The following PRKN variants were observed in gnomAD, a reference collection of about 807,000 sequenced individuals.
PRKN encodes parkin RBR E3 ubiquitin protein ligase.
Under a neutral mutation model 59.5 loss-of-function variants are expected in PRKN, and 56 were observed. The observed-to-expected ratio is 0.94, with a 90% CI of 0.76 to 1.18. The LOEUF (loss-of-function observed/expected upper bound fraction) is 1.18. PRKN is among the 50% of genes most tolerant of loss of function. The pLI is 0.00. For synonymous variants in PRKN, 250 were observed against 222.1 expected (o/e 1.13, Z -1.12); for missense variants, 657 against 596.4 (o/e 1.10, Z -1.06).
intron 4 of PRKN, among the ~76,000 whole-genome samples, chr6:162,137,224 A>G (rs1233129344): frequency 6.6e-6 from 1 of 152,188 alleles, no homozygotes; most frequent in Non-Finnish European, 1.5e-5. Context: ...ATATAAAAGA[A>G]TATTATTGTG....
At chr6:162,567,608 A>G (rs1780137278) in intron 1 of PRKN, among the ~76,000 whole-genome samples, 1 of 142,128 alleles carries the variant, frequency 7.0e-6, no homozygotes, top group Non-Finnish European at 1.5e-5. Context: ...CACTAATGAA[A>G]TAAATCAAAG....
At chr6:162,688,013 G>C (rs1324446156) in intron 1 of PRKN, among the ~76,000 whole-genome samples, 1 of 152,176 alleles carries the variant, frequency 6.6e-6, no homozygotes, top group African/African-American at 2.4e-5. Context: ...AATTGTTGAA[G>C]CACATACATA....
intron 2 of PRKN, among the ~76,000 whole-genome samples, chr6:162,278,424 T>C (rs1583305590): frequency 6.6e-6 from 1 of 152,172 alleles, no homozygotes; most frequent in East Asian, 1.9e-4. Context: ...TGTACCCTCA[T>C]GTAAGCTATA....
At position 161,444,223 on chromosome 6, in the gene PRKN, A is replaced by C. The variant is rs970482141; in HGVS notation, c.1084-57346T>G. 6.6e-6 allele frequency among the ~76,000 whole-genome samples: 1 copy of C among 152,164 alleles called. No homozygotes were observed. The highest frequency in any genetic ancestry group is 1.5e-5 in the Non-Finnish European group (1 of 68,010). ...TTCATGGGATGGGCCTGGCTGAGTGAGCTTCCTAAGGAAATCCTCTTGCCT... is the reference window on the plus strand; with the variant it reads ...TTCATGGGATGGGCCTGGCTGAGTGCGCTTCCTAAGGAAATCCTCTTGCCT... On this transcript the variant is annotated intron_variant, in intron 9 of 11. Coordinates refer to ENST00000366898, the MANE Select transcript of PRKN (RefSeq NM_004562.3). The surrounding 1 kb of genome is among the most constrained non-coding windows in gnomAD (Gnocchi z 5.6).
chr6:162,598,891 T>C (rs182496386), intron 1 of PRKN, among the ~76,000 whole-genome samples: 192 of 144,372 alleles, frequency 1.3e-3, no homozygotes, highest in African/African-American at 4.8e-3. Context: ...AATAATTAAA[T>C]GATTAAATAT....
rs557864917 is a variant in PRKN, at chr6:162,240,077, A to G, written c.412+22448T>C. On this transcript the variant is annotated intron_variant, in intron 3 of 11. Transcript: ENST00000366898. ...TTATAACATTTGCATTTGTTCACGA[A>G]TGTCAATAATCCCAACCGGCAGGTT... 1.3e-3 allele frequency among the ~76,000 whole-genome samples: 196 copies of G among 152,256 alleles called. 1 individual carries two copies. Among genetic ancestry groups the G allele is most frequent in the African/African-American group, 4.3e-3 (180 of 41,560 alleles).
At chr6:162,156,484 C>G (rs910041806) in intron 4 of PRKN, among the ~76,000 whole-genome samples, 14 of 152,168 alleles carry the variant, frequency 9.2e-5, no homozygotes, top group Non-Finnish European at 2.1e-4. Flanking sequence ...TGGCAAATCA[C>G]AGATGTAAGA....
At position 162,056,542 on chromosome 6, in the gene PRKN, A is replaced by T. The variant is rs1777874384; in HGVS notation, c.535-2368T>A. 6.6e-6 allele frequency among the ~76,000 whole-genome samples: 1 copy of T among 152,164 alleles called. No homozygotes were observed. The highest frequency in any genetic ancestry group is 1.5e-5 in the Non-Finnish European group (1 of 68,034). On this transcript the variant is annotated intron_variant, in intron 4 of 11. Coordinates refer to ENST00000366898, the MANE Select transcript of PRKN (RefSeq NM_004562.3). The surrounding 1 kb of genome is among the most constrained non-coding windows in gnomAD (Gnocchi z 4.9). Reference sequence around the variant, plus strand: ...TCCACCGATCATTAATCCAAAGGCCACCGCTTAATATGGAGGTAAATTTGC... The same window carrying T: ...TCCACCGATCATTAATCCAAAGGCCTCCGCTTAATATGGAGGTAAATTTGC...
intron 1 of PRKN, among the ~76,000 whole-genome samples, chr6:162,485,993 C>T (rs113746557): frequency 2.6e-4 from 40 of 152,296 alleles, no homozygotes; most frequent in African/African-American, 9.4e-4. Flanking sequence ...AAATCGCTAA[C>T]AAATTAATAT....
chr6:161,706,430 G>A (rs1443235909), intron 7 of PRKN, among the ~76,000 whole-genome samples: 2 of 152,256 alleles, frequency 1.3e-5, no homozygotes, highest in Admixed American at 1.3e-4. Flanking sequence ...AATGCATCTC[G>A]GACACACTGT....
In PRKN at chr6:161,546,570, A is replaced by C. The variant is rs1027983107; in HGVS notation, c.1083+2284T>G. Reference sequence around the variant, plus strand: ...GAAAGGAAGGCATACAGTTCAGTGCATCCTTTAGAAAATCACTTCTCTGTT... The same window carrying C: ...GAAAGGAAGGCATACAGTTCAGTGCCTCCTTTAGAAAATCACTTCTCTGTT... On this transcript the variant is annotated intron_variant, in intron 9 of 11. Transcript: ENST00000366898. This position sits in a 1 kb window ranked among gnomAD's most constrained non-coding sequence, Gnocchi z 4.4. 1.1e-4 allele frequency among the ~76,000 whole-genome samples: 17 copies of C among 152,200 alleles called. No individual in the cohort carries two copies. Among genetic ancestry groups the C allele is most frequent in the Admixed American group, 6.5e-5 (1 of 15,286 alleles).
intron 7 of PRKN, among the ~76,000 whole-genome samples, chr6:161,765,304 G>C (rs1051806714): frequency 2.6e-5 from 4 of 152,086 alleles, no homozygotes; most frequent in African/African-American, 9.7e-5. Flanking sequence ...TAAATCATTC[G>C]CATAGTGGAA....
intron 9 of PRKN, among the ~76,000 whole-genome samples, chr6:161,501,685 C>T (rs1338421804): frequency 2.6e-5 from 4 of 152,144 alleles, no homozygotes; most frequent in Admixed American, 6.5e-5. Context: ...CTCTCTTCTG[C>T]TTTGTACTCC....
chr6:161,477,531 C>G lies in PRKN; in HGVS notation c.1083+71323G>C, dbSNP rs74318496. ...ATCTCAAAAAAAAAAAAAAAAAATA[C>G]TGGTACTTTTCCTTAGGATAAGGTT... is the stretch of plus-strand genomic sequence containing the variant. On this transcript the variant is annotated intron_variant, in intron 9 of 11. Transcript: ENST00000366898. Among the ~76,000 whole-genome samples, 1,140 of 126,752 alleles carry G rather than the reference C, an allele frequency of 9.0e-3. 15 individuals carry two copies. The highest frequency in any genetic ancestry group is 0.029 in the African/African-American group (1,090 of 37,628). The allele number at this position is 126,752 out of a possible 152,430, so 83.2% of individuals were successfully genotyped here. A position where few individuals can be genotyped will look rare whatever the true frequency, so the allele number is the denominator to read the frequency against.
intron 1 of PRKN, among the ~76,000 whole-genome samples, chr6:162,493,196 C>T (rs911231320): frequency 6.6e-6 from 1 of 152,150 alleles, no homozygotes; most frequent in Non-Finnish European, 1.5e-5. Context: ...GAACCACCAT[C>T]CCTTTATGTA....
chr6:162,726,370 G>C (rs945709526), intron 1 of PRKN, among the ~76,000 whole-genome samples: 3 of 152,170 alleles, frequency 2.0e-5, no homozygotes, highest in Non-Finnish European at 4.4e-5. Flanking sequence ...GTTCAAACTT[G>C]TGCTTGCAAG....
intron 1 of PRKN, among the ~76,000 whole-genome samples, chr6:162,507,328 G>T (rs1206241573): frequency 6.6e-6 from 1 of 151,994 alleles, no homozygotes; most frequent in African/African-American, 2.4e-5. Context: ...ACCATCCAAT[G>T]GCTTCTCACT....
chr6:162,099,397 A>C (rs1779874932), intron 4 of PRKN, among the ~76,000 whole-genome samples: 1 of 152,238 alleles, frequency 6.6e-6, no homozygotes, highest in South Asian at 2.1e-4. Flanking sequence ...TTTTACTGAA[A>C]GTCAGCTTTT....
In PRKN at chr6:161,463,926, A is replaced by G. The variant is rs1461735311; in HGVS notation, c.1084-77049T>C. On this transcript the variant is annotated intron_variant, in intron 9 of 11. Transcript: ENST00000366898. The surrounding 1 kb of genome is among the most constrained non-coding windows in gnomAD (Gnocchi z 4.8). ...CATAGAGCTAGGATGGTAGACATCA[A>G]CATACAGAGACCTTTAGGGTTTTTT... Among the ~76,000 whole-genome samples the G allele has an allele frequency of 6.6e-6, 1 of 152,204 alleles. No individual in the cohort carries two copies. Among genetic ancestry groups the G allele is most frequent in the Non-Finnish European group, 1.5e-5 (1 of 68,042 alleles).
Sources: gnomAD v4.1 joint callset for allele counts (sites outside exome capture counted in the v4.1 genomes callset) on GRCh38, gnomAD v4.1.1 for gene constraint, Gnocchi (gnomAD v3.1) non-coding constraint, MANE v1.5 for transcripts, NCBI Gene and HGNC (gene_info 2026-07-23, HGNC 2026-07-21) for gene names.